CHKA: variants seen among roughly 807,000 people sequenced by gnomAD.
CHKA encodes CHETK-alpha.
A neutral mutation model predicts 60.1 loss-of-function variants in CHKA; 34 were observed. That is an observed-to-expected ratio of 0.57 (90% confidence interval 0.43 to 0.75). The LOEUF is 0.75. Among genes scored for constraint, CHKA ranks in the 30% least tolerant of loss-of-function variants. The pLI is 0.00. For synonymous variants in CHKA, 217 were observed against 223.1 expected (o/e 0.97, Z 0.24); for missense variants, 563 against 561.3 (o/e 1.00, Z -0.03).
intron 2 of CHKA, among the ~76,000 whole-genome samples, chr11:68,095,897 G>A (rs1009013543): frequency 3.4e-5 from 5 of 146,788 alleles, no homozygotes; most frequent in Admixed American, 6.9e-5. Context: ...CAAAAATTAG[G>A]CGGGTGTAGT....
At chr11:68,115,334 G>A (rs538799269) in intron 1 of CHKA, among the ~76,000 whole-genome samples, 6 of 152,086 alleles carry the variant, frequency 3.9e-5, no homozygotes, top group Non-Finnish European at 5.9e-5. Context: ...GTCATTATAC[G>A]GTGGCCAAAA....
At chr11:68,067,764 C>A (rs1856491048) in intron 7 of CHKA, among the ~76,000 whole-genome samples, 1 of 152,326 alleles carries the variant, frequency 6.6e-6, no homozygotes, top group South Asian at 2.1e-4. Flanking sequence ...ACCAGAAGGG[C>A]AAGGGTAATA....
intron 2 of CHKA, chr11:68,081,890 G>A (rs1322566977): frequency 6.4e-6 from 1 of 157,300 alleles, no homozygotes; most frequent in East Asian, 1.8e-4. Flanking sequence ...GGACAGCTGT[G>A]GTCAGCACAG....
chr11:68,099,706 G>C (rs961646368), intron 1 of CHKA, among the ~76,000 whole-genome samples: 3 of 152,138 alleles, frequency 2.0e-5, no homozygotes, highest in Non-Finnish European at 4.4e-5. Flanking sequence ...AGCCAACATG[G>C]GTTTCTGGCT....
At chr11:68,095,476 A>G (rs7104982) in intron 2 of CHKA, among the ~76,000 whole-genome samples, 77,892 of 139,360 alleles carry the variant, frequency 0.56, 22,036 homozygotes, top group Middle Eastern at 0.7. Context: ...TTTGGAGGCC[A>G]AGGTGGACGG....
chr11:68,118,417 C>T (rs774755424), intron 1 of CHKA, among the ~76,000 whole-genome samples: 2 of 151,864 alleles, frequency 1.3e-5, no homozygotes, highest in Non-Finnish European at 2.9e-5. Context: ...CTCCAGCCTG[C>T]GCGACAGAGT....
At chr11:68,099,347 CA>C (rs1259050429) in intron 1 of CHKA, among the ~76,000 whole-genome samples, 1 of 152,144 alleles carries the variant, frequency 6.6e-6, no homozygotes, top group Non-Finnish European at 1.5e-5. Flanking sequence ...ATTTTCTTAC[CA>C]AATAAAAAAT....
intron 1 of CHKA, among the ~76,000 whole-genome samples, chr11:68,120,483 C>A (rs1590893174): frequency 6.6e-6 from 1 of 152,242 alleles, no homozygotes; most frequent in Non-Finnish European, 1.5e-5. Flanking sequence ...GGCCCTAAAC[C>A]GCAGAGACTT....
Position 68,121,380 on chromosome 11 carries a change from C to T in CHKA, c.-203G>A, listed in dbSNP as rs1184460578. 5.3e-6 allele frequency: 1 copy of T among 188,494 alleles called. No individual in the cohort carries two copies. The highest frequency in any genetic ancestry group is 1.0e-5 in the Non-Finnish European group (1 of 99,068). 11.7% of individuals were successfully genotyped at this position (188,494 alleles called of 1,614,324 possible). ...GGGATGTGCTGCTGGCCGCTGCACT[C>T]GCTCCTCTGCCGCCGCCGCACGAGG... On this transcript the variant is annotated 5_prime_UTR_variant, in exon 1 of 12. Coordinates refer to ENST00000265689, the MANE Select transcript of CHKA (RefSeq NM_001277.3).
At chr11:68,076,878 T>TAG (rs1856809128) in intron 3 of CHKA, among the ~76,000 whole-genome samples, 1 of 152,122 alleles carries the variant, frequency 6.6e-6, no homozygotes, top group Non-Finnish European at 1.5e-5. Context: ...CGTAATACTG[T>TAG]AGTTCAATAT....
chr11:68,107,973 T>C (rs1039688631), intron 1 of CHKA, among the ~76,000 whole-genome samples: 1 of 152,112 alleles, frequency 6.6e-6, no homozygotes, highest in African/African-American at 2.4e-5. Flanking sequence ...ATAAGGGTTG[T>C]GCCCCACCAC....
chr11:68,108,898 G>A (rs944847801), intron 1 of CHKA, among the ~76,000 whole-genome samples: 10 of 152,080 alleles, frequency 6.6e-5, no homozygotes, highest in Non-Finnish European at 1.2e-4. Flanking sequence ...AATTGCCGGA[G>A]GCTCAGTGTG....
At chr11:68,091,457 C>T (rs1364900377) in intron 2 of CHKA, among the ~76,000 whole-genome samples, 1 of 152,188 alleles carries the variant, frequency 6.6e-6, no homozygotes. Flanking sequence ...CAAAAGGACC[C>T]ATTCTTGACC....
intron 1 of CHKA, among the ~76,000 whole-genome samples, chr11:68,113,969 C>A (rs916200183): frequency 4.6e-5 from 7 of 151,342 alleles, no homozygotes; most frequent in African/African-American, 1.5e-4. Flanking sequence ...CCAGCCTGGG[C>A]AACAAGAGTG....
chr11:68,077,675 C>T (rs1856838370), intron 3 of CHKA, among the ~76,000 whole-genome samples: 1 of 152,076 alleles, frequency 6.6e-6, no homozygotes, highest in South Asian at 2.1e-4. Flanking sequence ...GCTTACATGA[C>T]AGAGAAGGAG....
rs1405532076 is a variant in CHKA at position 68,054,047 on chromosome 11, C to T, written c.1315G>A (p.Asp439Asn). 6.2e-7 allele frequency: 1 copy of T among 1,612,298 alleles called. No homozygotes were observed. The highest frequency in any genetic ancestry group is 2.2e-5 in the East Asian group (1 of 44,874). ...GCATCAAACCTTGCTTGGGCGTAGT[C>T]CTAGGAGACAGCAAAGAGAAGGCCT... ...KISSIEFGYM[D>N]YAQARFDAYF... Residue 439 changes from aspartate to asparagine, a missense_variant and splice_region_variant, in exon 12 of 12, where the codon GAC (aspartate) becomes AAC (asparagine). Asp to Asn is a conservative substitution (Grantham distance 23). Coordinates refer to ENST00000265689, the MANE Select transcript of CHKA (RefSeq NM_001277.3).
At chr11:68,077,230 AC>A (rs946182091) in intron 3 of CHKA, among the ~76,000 whole-genome samples, 1 of 152,144 alleles carries the variant, frequency 6.6e-6, no homozygotes, top group Admixed American at 6.5e-5. Context: ...ACAGAGCAAG[AC>A]TCTGTCTCAA....
At chr11:68,060,643 TTTC>T (rs1313227142) in intron 11 of CHKA, among the ~76,000 whole-genome samples, 1 of 152,200 alleles carries the variant, frequency 6.6e-6, no homozygotes, top group Admixed American at 6.5e-5. Context: ...AATCTGCCAT[TTTC>T]TTCTTTCACT....
At chr11:68,097,404 G>T (rs1857551211) in intron 1 of CHKA, among the ~76,000 whole-genome samples, 1 of 152,162 alleles carries the variant, frequency 6.6e-6, no homozygotes, top group Non-Finnish European at 1.5e-5. Flanking sequence ...GGAGGCCGAG[G>T]CGGGTGGATC....
Sources: allele counts gnomAD v4.1 joint callset (sites outside exome capture counted in the v4.1 genomes callset), GRCh38; gene constraint gnomAD v4.1.1; transcripts MANE v1.5; gene names NCBI Gene and HGNC (gene_info 2026-07-23, HGNC 2026-07-21).